The following DPYSL5 variants were observed in gnomAD, a reference collection of about 807,000 sequenced individuals.
DPYSL5 encodes dihydropyrimidinase like 5, also known as dihydropyrimidinase-related protein 5.
A neutral mutation model predicts 58.4 loss-of-function variants in DPYSL5; 9 were observed. The observed-to-expected ratio is 0.15, with a 90% confidence interval of 0.09 to 0.27. The LOEUF is 0.27. Among genes scored for constraint, DPYSL5 ranks in the 10% least tolerant of loss-of-function variants. The pLI, the probability that DPYSL5 is intolerant of heterozygous loss-of-function variation, is 1.00. For synonymous variants in DPYSL5, 293 were observed against 301.9 expected (o/e 0.97, Z 0.31); for missense variants, 499 against 770.6 (o/e 0.65, Z 4.17).
At chr2:26,863,160 T>C (rs569402289) in intron 1 of DPYSL5, among the ~76,000 whole-genome samples, 1 of 152,298 alleles carries the variant, frequency 6.6e-6, no homozygotes, top group South Asian at 2.1e-4. Flanking sequence ...GTCCCTTCAC[T>C]TTTTCACTGA....
chr2:26,901,519 G>A (rs917519655), intron 2 of DPYSL5, among the ~76,000 whole-genome samples: 4 of 152,118 alleles, frequency 2.6e-5, no homozygotes, highest in East Asian at 1.9e-4. Context: ...GGGGACGGGT[G>A]GATTTAATTA....
At chr2:26,932,212 G>GA (rs775215655) in intron 6 of DPYSL5, among the ~76,000 whole-genome samples, 12,181 of 57,158 alleles carry the variant, frequency 0.21, 1,138 homozygotes, top group Non-Finnish European at 0.25. Flanking sequence ...AGAAAGAAAA[G>GA]AAAGAAAGAA....
chr2:26,850,763 G>C (rs1259881235), intron 1 of DPYSL5, among the ~76,000 whole-genome samples: 1 of 152,146 alleles, frequency 6.6e-6, no homozygotes, highest in Non-Finnish European at 1.5e-5. Context: ...GATGATAGCT[G>C]TCAAAGTGAA....
In DPYSL5 at chr2:26,849,717, G is replaced by A. The variant is rs957261445; in HGVS notation, c.-5+1463G>A. On this transcript the variant is annotated intron_variant, in intron 1 of 12. Transcript: ENST00000288699. The surrounding 1 kb of genome is among the most constrained non-coding windows in gnomAD (Gnocchi z 6.2). Reference sequence around the variant, plus strand: ...CCGACGACAAACCAGGGCCACCCAGGACGCGAGGGTGCAGTTTTCTGGTGC... The same window carrying A: ...CCGACGACAAACCAGGGCCACCCAGAACGCGAGGGTGCAGTTTTCTGGTGC... 1.3e-5 allele frequency among the ~76,000 whole-genome samples: 2 copies of A among 152,252 alleles called. No homozygotes were observed. Among genetic ancestry groups the A allele is most frequent in the African/African-American group, 4.8e-5 (2 of 41,476 alleles).
intron 2 of DPYSL5, among the ~76,000 whole-genome samples, chr2:26,902,640 A>G (rs1472865110): frequency 6.6e-6 from 1 of 152,198 alleles, no homozygotes; most frequent in Non-Finnish European, 1.5e-5. Flanking sequence ...CGTGTGAACC[A>G]GAGCAGCTCC....
chr2:26,932,879 G>A (rs949803504), intron 6 of DPYSL5, among the ~76,000 whole-genome samples: 2 of 152,182 alleles, frequency 1.3e-5, no homozygotes, highest in Admixed American at 6.5e-5. Context: ...CAGAATACAC[G>A]ACTAACTCTA....
intron 1 of DPYSL5, among the ~76,000 whole-genome samples, chr2:26,895,347 C>T (rs1218207921): frequency 6.6e-6 from 1 of 152,200 alleles, no homozygotes; most frequent in African/African-American, 2.4e-5. Context: ...GTCTTCCAAT[C>T]CATGAACATG....
intron 1 of DPYSL5, among the ~76,000 whole-genome samples, chr2:26,880,333 C>A (rs1372764287): frequency 6.6e-6 from 1 of 152,238 alleles, no homozygotes; most frequent in Non-Finnish European, 1.5e-5. Context: ...ACCCCCATGC[C>A]TGGCTTGGCA....
At chr2:26,889,684 T>C (rs1012961388) in intron 1 of DPYSL5, among the ~76,000 whole-genome samples, 1 of 149,626 alleles carries the variant, frequency 6.7e-6, no homozygotes, top group African/African-American at 2.5e-5. Context: ...AGAACCTGCA[T>C]AGCGTAGGGA....
Position 26,924,754 on chromosome 2 carries a change from C to A in DPYSL5, c.262-133C>A. 1 of 1,279,508 alleles carries A rather than the reference C, an allele frequency of 7.8e-7. No homozygotes were observed. The highest frequency in any genetic ancestry group is 1.0e-6 in the Non-Finnish European group (1 of 960,570). The allele number at this position is 1,279,508 out of a possible 1,614,324, so 79.3% of individuals were successfully genotyped here. On this transcript the variant is annotated intron_variant, in intron 2 of 12. Coordinates refer to ENST00000288699, the MANE Select transcript of DPYSL5 (RefSeq NM_020134.4). The surrounding 1 kb of genome is among the most constrained non-coding windows in gnomAD (Gnocchi z 4.7). ...GCTCTTTACAGTTTCCCAAACCTCG[C>A]TGCCCTTGGTCCTCACAGCCTCTTG...
chr2:26,851,218 A>C (rs1665742070), intron 1 of DPYSL5, among the ~76,000 whole-genome samples: 1 of 152,186 alleles, frequency 6.6e-6, no homozygotes, highest in African/African-American at 2.4e-5. Flanking sequence ...CTTTTTTGTA[A>C]TAATTTTATG....
At chr2:26,869,807 C>G (rs753859101) in intron 1 of DPYSL5, among the ~76,000 whole-genome samples, 5 of 151,954 alleles carry the variant, frequency 3.3e-5, no homozygotes, top group African/African-American at 7.3e-5. Context: ...GTCAGGAGAT[C>G]GAGACCATCC....
At chr2:26,851,024 ATGTG>A (rs1187916886) in intron 1 of DPYSL5, among the ~76,000 whole-genome samples, 6 of 152,188 alleles carry the variant, frequency 3.9e-5, no homozygotes, top group Non-Finnish European at 4.4e-5. Flanking sequence ...TTATATATGC[ATGTG>A]TGTATTTATG....
chr2:26,867,840 A>G (rs1203371130), intron 1 of DPYSL5, among the ~76,000 whole-genome samples: 1 of 152,094 alleles, frequency 6.6e-6, no homozygotes, highest in Non-Finnish European at 1.5e-5. Flanking sequence ...TTTTATTTCT[A>G]TGGAGAGAGT....
rs1664779374 is a variant in DPYSL5 at position 26,924,520 on chromosome 2, T to C, written c.262-367T>C. Among the ~76,000 whole-genome samples the C allele has an allele frequency of 6.6e-6, 1 of 152,260 alleles. No homozygotes were observed. Among genetic ancestry groups the C allele is most frequent in the African/African-American group, 2.4e-5 (1 of 41,472 alleles). On this transcript the variant is annotated intron_variant, in intron 2 of 12. Coordinates refer to ENST00000288699, the MANE Select transcript of DPYSL5 (RefSeq NM_020134.4). The surrounding 1 kb of genome is among the most constrained non-coding windows in gnomAD (Gnocchi z 4.7). Reference sequence around the variant, plus strand: ...ACACTATATTATGTTATATATTACATGCAGACATTTGATCATGTTATCTAT... The same window carrying C: ...ACACTATATTATGTTATATATTACACGCAGACATTTGATCATGTTATCTAT...
chr2:26,935,724 C>T (rs1665156821), intron 8 of DPYSL5, among the ~76,000 whole-genome samples: 2 of 150,244 alleles, frequency 1.3e-5, no homozygotes, highest in Non-Finnish European at 1.5e-5. Context: ...GGGGAGAAGA[C>T]GATGCTTTCT....
chr2:26,946,846 G>T, intron 12 of DPYSL5, 64 bp from the exon 13 acceptor site: 2 of 1,305,808 alleles, frequency 1.5e-6, no homozygotes, highest in South Asian at 2.5e-5. Context: ...TCCAGGAGAG[G>T]GTGTCTGTGG....
chr2:26,937,742 TTTTG>T (rs59337750), intron 8 of DPYSL5, among the ~76,000 whole-genome samples: 4,416 of 149,174 alleles, frequency 0.03, 178 homozygotes, highest in African/African-American at 0.094. Context: ...CTGGCTAGTT[TTTTG>T]TTTGTTTGTT....
At chr2:26,903,972 CCAGA>C (rs1208040654) in intron 2 of DPYSL5, among the ~76,000 whole-genome samples, 2 of 152,220 alleles carry the variant, frequency 1.3e-5, no homozygotes, top group African/African-American at 2.4e-5. Context: ...CTTGTCTGTG[CCAGA>C]GGCTATCTCG....
Sources: allele counts gnomAD v4.1 joint callset (sites outside exome capture counted in the v4.1 genomes callset), GRCh38; gene constraint gnomAD v4.1.1; non-coding constraint Gnocchi (gnomAD v3.1); transcripts MANE v1.5; gene names NCBI Gene and HGNC (gene_info 2026-07-23, HGNC 2026-07-21).